The following ZNF215 variants were observed in gnomAD, a reference collection of about 807,000 sequenced individuals.
ZNF215 encodes BWSCR2-associated zinc finger protein 2.
ZNF215 carries 24 observed loss-of-function variants against 27.2 expected under a neutral mutation model. That is an observed-to-expected ratio of 0.88 (90% confidence interval 0.64 to 1.24). The LOEUF (loss-of-function observed/expected upper bound fraction) is 1.24. Among genes scored for constraint, ZNF215 ranks in the 50% most tolerant of loss-of-function variants. The pLI is 0.00. For missense variants in ZNF215, 675 were observed against 605.7 expected, an observed-to-expected ratio of 1.11 and a Z score of -1.20; for synonymous variants, 210 against 204.0, an observed-to-expected ratio of 1.03 and a Z score of -0.25.
downstream of ZNF215, among the ~76,000 whole-genome samples, chr11:6,962,063 A>C (rs180685850): frequency 1.4e-4 from 21 of 152,290 alleles, no homozygotes; most frequent in African/African-American, 4.8e-4. Context: ...AGAATAGTTT[A>C]ATATTACGGG....
At chr11:6,949,824 T>G (rs1849980483) in intron 6 of ZNF215, among the ~76,000 whole-genome samples, 2 of 152,080 alleles carry the variant, frequency 1.3e-5, no homozygotes, top group Admixed American at 1.3e-4. Flanking sequence ...ATGTCCTGAA[T>G]GGTAATGCCT....
intron 4 of ZNF215, among the ~76,000 whole-genome samples, chr11:6,942,621 G>T (rs1849667482): frequency 6.6e-6 from 1 of 152,132 alleles, no homozygotes; most frequent in South Asian, 2.1e-4. Context: ...AGTCCCAAAT[G>T]ATAAGAGTTA....
chr11:6,937,454 T>A (rs1336631334), intron 3 of ZNF215, among the ~76,000 whole-genome samples: 3 of 149,188 alleles, frequency 2.0e-5, no homozygotes, highest in Non-Finnish European at 4.5e-5. Flanking sequence ...AATCTACAGA[T>A]TCAAATGCAA....
chr11:6,978,836 TTAATA>T (rs1850885679), intron 5 of ZNF215, among the ~76,000 whole-genome samples: 1 of 152,122 alleles, frequency 6.6e-6, no homozygotes, highest in African/African-American at 2.4e-5. Flanking sequence ...GGAAATGTGG[TTAATA>T]TAATCCACCT....
intron 6 of ZNF215, among the ~76,000 whole-genome samples, chr11:6,954,150 G>T (rs1388286738): frequency 6.6e-6 from 1 of 152,148 alleles, no homozygotes; most frequent in Non-Finnish European, 1.5e-5. Context: ...CCCTACTGGG[G>T]AGTGCCTGCC....
At chr11:6,973,684 A>G (rs1227914557) in intron 5 of ZNF215, among the ~76,000 whole-genome samples, 2 of 152,164 alleles carry the variant, frequency 1.3e-5, no homozygotes, top group African/African-American at 4.8e-5. Context: ...TGTTGGCTGC[A>G]TAAATGTCTT....
At chr11:6,959,126 G>A (rs1337827273), downstream of ZNF215, among the ~76,000 whole-genome samples, 1 of 152,090 alleles carries the variant, frequency 6.6e-6, no homozygotes, top group Non-Finnish European at 1.5e-5. Flanking sequence ...TACCATCAAA[G>A]GTCGATATCT....
chr11:6,989,290 C>G (rs529041917), downstream of ZNF215, among the ~76,000 whole-genome samples: 1 of 152,176 alleles, frequency 6.6e-6, no homozygotes, highest in South Asian at 2.1e-4. Context: ...GATCAAACAT[C>G]CCACTTTCCC....
At chr11:6,952,204 C>T (rs1418060802) in intron 6 of ZNF215, among the ~76,000 whole-genome samples, 2 of 152,024 alleles carry the variant, frequency 1.3e-5, no homozygotes, top group Non-Finnish European at 2.9e-5. Flanking sequence ...AAAAAATGTA[C>T]ATTCTGTTGA....
intron 6 of ZNF215, among the ~76,000 whole-genome samples, chr11:6,947,664 A>G (rs1378775910): frequency 3.3e-5 from 5 of 152,248 alleles, no homozygotes; most frequent in African/African-American, 1.2e-4. Context: ...TATTACATAA[A>G]TACTACTAGA....
chr11:6,954,950 A>G (rs1223599048), intron 6 of ZNF215, among the ~76,000 whole-genome samples: 2 of 152,208 alleles, frequency 1.3e-5, no homozygotes, highest in Non-Finnish European at 2.9e-5. Flanking sequence ...AAGCTAAATG[A>G]GAGGAATTTT....
Position 6,956,558 on chromosome 11 carries a change from C to G in ZNF215, c.*27C>G, listed in dbSNP as rs200546603. 2.1e-5 allele frequency: 32 copies of G among 1,532,494 alleles called. No individual in the cohort carries two copies. In the Admixed American group the frequency reaches 2.2e-4, roughly 11 times the overall value. The allele number at this position is 1,532,494 out of a possible 1,614,324, so 94.9% of individuals were successfully genotyped here. A position where few individuals can be genotyped will look rare whatever the true frequency, so the allele number is the denominator to read the frequency against. On this transcript the variant is annotated 3_prime_UTR_variant, in exon 7 of 7. Transcript: ENST00000278319. Reference sequence around the variant, plus strand: ...AAAAGAAAAAATGAAAGATTACCTTCAGTCAGAATGCAGAACTCATTTAAC... The same window carrying G: ...AAAAGAAAAAATGAAAGATTACCTTGAGTCAGAATGCAGAACTCATTTAAC...
intron 3 of ZNF215, among the ~76,000 whole-genome samples, chr11:6,939,097 A>G (rs947280750): frequency 1.3e-5 from 2 of 152,206 alleles, no homozygotes; most frequent in Non-Finnish European, 2.9e-5. Flanking sequence ...GATTTATCCA[A>G]TTTTATACTC....
intron 5 of ZNF215, among the ~76,000 whole-genome samples, chr11:6,978,070 T>A (rs1197541110): frequency 6.6e-6 from 1 of 152,024 alleles, no homozygotes; most frequent in African/African-American, 2.4e-5. Context: ...TACTAAGCAT[T>A]TACTACTCAG....
At chr11:6,982,152 A>G (rs544625951) in intron 5 of ZNF215, among the ~76,000 whole-genome samples, 1 of 152,192 alleles carries the variant, frequency 6.6e-6, no homozygotes, top group African/African-American at 2.4e-5. Context: ...GAAGAAAGTC[A>G]TTGGTAGCTT....
At chr11:6,945,746 T>G (rs1459998709) in intron 6 of ZNF215, among the ~76,000 whole-genome samples, 1 of 152,224 alleles carries the variant, frequency 6.6e-6, no homozygotes, top group East Asian at 1.9e-4. Context: ...CTGATAAATT[T>G]CAGAGTTTGT....
intron 5 of ZNF215, among the ~76,000 whole-genome samples, chr11:6,975,717 A>G (rs1224569716): frequency 6.6e-6 from 1 of 152,062 alleles, no homozygotes; most frequent in African/African-American, 2.4e-5. Flanking sequence ...GCCATTGTAT[A>G]TATGTACCAC....
chr11:6,944,765 G>A (rs1356646561), intron 6 of ZNF215, among the ~76,000 whole-genome samples: 1 of 151,880 alleles, frequency 6.6e-6, no homozygotes, highest in Non-Finnish European at 1.5e-5. Context: ...TTTCTTTTCT[G>A]AAATTGTGGA....
chr11:6,992,351 A>G (rs2133367423), downstream of ZNF215, among the ~76,000 whole-genome samples: 1 of 152,350 alleles, frequency 6.6e-6, no homozygotes, highest in Admixed American at 6.5e-5. Flanking sequence ...AAAGTGGCAT[A>G]ATTAATATAT....
Sources: allele counts gnomAD v4.1 joint callset (sites outside exome capture counted in the v4.1 genomes callset), GRCh38; gene constraint gnomAD v4.1.1; transcripts MANE v1.5; gene names NCBI Gene and HGNC (gene_info 2026-07-23, HGNC 2026-07-21).